CLYBL: variants seen among roughly 807,000 people sequenced by gnomAD.
CLYBL encodes citramalyl-CoA lyase, also known as citramalyl-CoA lyase, mitochondrial.
CLYBL carries 31 observed loss-of-function variants against 38.9 expected under a neutral mutation model. That is an observed-to-expected ratio of 0.80 (90% CI 0.60 to 1.08). The LOEUF is 1.08. Among genes scored for constraint, CLYBL ranks in the 50% least tolerant of loss-of-function variants. CLYBL has a pLI of 0.00. For missense variants in CLYBL, 434 were observed against 411.6 expected, an observed-to-expected ratio of 1.05 and a Z score of -0.47; for synonymous variants, 171 against 158.6, an observed-to-expected ratio of 1.08 and a Z score of -0.59.
intron 7 of CLYBL, among the ~76,000 whole-genome samples, chr13:99,871,591 T>C (rs1221644159): frequency 2.6e-5 from 4 of 152,170 alleles, no homozygotes; most frequent in Admixed American, 6.5e-5. Context: ...GAAAGCAAAT[T>C]AACACTGGAG....
intron 2 of CLYBL, among the ~76,000 whole-genome samples, chr13:99,774,120 C>T (rs1048819104): frequency 2.6e-5 from 4 of 151,812 alleles, no homozygotes; most frequent in Non-Finnish European, 4.4e-5. Flanking sequence ...GTAGTCCCAG[C>T]TACTCAGGAG....
At chr13:99,858,079 C>T (rs2051502977) in intron 2 of CLYBL, among the ~76,000 whole-genome samples, 1 of 152,132 alleles carries the variant, frequency 6.6e-6, no homozygotes, top group Admixed American at 6.5e-5. Flanking sequence ...CTTCATTGCC[C>T]CCAAGCCAAA....
At chr13:99,878,820 A>G (rs1369811953) in intron 7 of CLYBL, among the ~76,000 whole-genome samples, 2 of 152,228 alleles carry the variant, frequency 1.3e-5, no homozygotes, top group African/African-American at 4.8e-5. Context: ...TTGTGAAAAG[A>G]TATCGAAAAC....
chr13:99,796,916 T>C (rs1049585943), intron 2 of CLYBL, among the ~76,000 whole-genome samples: 2 of 152,182 alleles, frequency 1.3e-5, no homozygotes, highest in African/African-American at 4.8e-5. Context: ...GCTTCCCTGG[T>C]AGGCTCTTGG....
chr13:99,885,505 G>T (rs1293153282), intron 7 of CLYBL, among the ~76,000 whole-genome samples: 2 of 152,100 alleles, frequency 1.3e-5, no homozygotes, highest in Non-Finnish European at 2.9e-5. Context: ...ACCATGGCAG[G>T]GTTAAAGCAA....
intron 1 of CLYBL, among the ~76,000 whole-genome samples, chr13:99,716,168 A>ATTT (rs2048307993): frequency 2.5e-5 from 1 of 40,610 alleles, no homozygotes; most frequent in African/African-American, 7.4e-5. Flanking sequence ...TTATTGGTGT[A>ATTT]ATTTTTTTTT....
chr13:99,822,252 C>T (rs1211048166), intron 2 of CLYBL, among the ~76,000 whole-genome samples: 2 of 152,180 alleles, frequency 1.3e-5, no homozygotes, highest in Non-Finnish European at 2.9e-5. Flanking sequence ...TGGTTTGTTA[C>T]ACAGCAATAA....
At chr13:99,857,804 ATAT>A (rs2051496793) in intron 2 of CLYBL, among the ~76,000 whole-genome samples, 1 of 152,170 alleles carries the variant, frequency 6.6e-6, no homozygotes. Flanking sequence ...AAATGGTTAT[ATAT>A]TATTGAGACC....
chr13:99,611,064 T>A (rs1158571144), intron 1 of CLYBL, among the ~76,000 whole-genome samples: 1 of 152,214 alleles, frequency 6.6e-6, no homozygotes, highest in African/African-American at 2.4e-5. Context: ...GTGGCTGCCA[T>A]GCTGCTGGTT....
rs186844638 is a variant in CLYBL at position 99,880,129 on chromosome 13, G to A, written c.927+9067G>A. Among the ~76,000 whole-genome samples the A allele has an allele frequency of 1.5e-3, 218 of 145,784 alleles. 1 individual carries two copies. Among genetic ancestry groups the A allele is most frequent in the African/African-American group, 5.3e-3 (204 of 38,706 alleles). Reference sequence around the variant, plus strand: ...GTTGCCCAGGCTCGAGTACAATGGCGGGATCTTGGCTCACTGCAACCTCTG... The same window carrying A: ...GTTGCCCAGGCTCGAGTACAATGGCAGGATCTTGGCTCACTGCAACCTCTG... On this transcript the variant is annotated intron_variant, in intron 7 of 8. Transcript: ENST00000339105.
intron 7 of CLYBL, among the ~76,000 whole-genome samples, chr13:99,881,518 G>T (rs1021457077): frequency 4.6e-5 from 7 of 152,036 alleles, no homozygotes. Context: ...GACCTCCTGG[G>T]CTCAAGTGAT....
chr13:99,728,654 C>T (rs1223315180), intron 1 of CLYBL, among the ~76,000 whole-genome samples: 1 of 152,062 alleles, frequency 6.6e-6, no homozygotes, highest in East Asian at 1.9e-4. Context: ...CGCCTCACTG[C>T]AGCCTCAACC....
chr13:99,805,736 T>A (rs2138962192), intron 2 of CLYBL, among the ~76,000 whole-genome samples: 1 of 152,332 alleles, frequency 6.6e-6, no homozygotes, highest in South Asian at 2.1e-4. Context: ...ACATTTTTAA[T>A]TTTTATTGCT....
intron 1 of CLYBL, chr13:99,690,284 G>A (rs539721221): frequency 6.6e-6 from 1 of 152,212 alleles, no homozygotes; most frequent in Non-Finnish European, 1.5e-5. Context: ...TAAGCATTCA[G>A]AGTTCTTTGC....
intron 2 of CLYBL, among the ~76,000 whole-genome samples, chr13:99,795,559 TG>T (rs781097559): frequency 6.6e-6 from 1 of 151,988 alleles, no homozygotes; most frequent in Non-Finnish European, 1.5e-5. Flanking sequence ...GAGTCTGAGA[TG>T]GGAAGATTGC....
intron 1 of CLYBL, among the ~76,000 whole-genome samples, chr13:99,662,370 G>A (rs1220536010): frequency 6.6e-6 from 1 of 152,158 alleles, no homozygotes; most frequent in Non-Finnish European, 1.5e-5. Flanking sequence ...AGCCAAAATA[G>A]ATTCTAAATC....
Position 99,891,348 on chromosome 13 carries a change from G to T in CLYBL, c.958G>T (p.Asp320Tyr). 1 of 1,613,764 alleles carries T rather than the reference G, an allele frequency of 6.2e-7. No homozygotes were observed. Among genetic ancestry groups the T allele is most frequent in the Non-Finnish European group, 8.5e-7 (1 of 1,179,802 alleles). ...GAFTFQGSMI[D>Y]MPLLKQAQNT... ...CTTTACTTTCCAAGGGAGTATGATC[G>T]ACATGCCATTACTGAAGCAGGCCCA... Residue 320 changes from aspartate to tyrosine, a missense_variant, in exon 8 of 9, where the codon GAC becomes TAC. Physicochemically the swap from Asp to Tyr is radical, Grantham distance 160 (BLOSUM62 -3). Transcript: ENST00000339105.
rs373362094 is a variant in CLYBL at position 99,692,294 on chromosome 13, T to G, written c.63-80530T>G. Among the ~76,000 whole-genome samples, 9 of 129,362 alleles carry G rather than the reference T, an allele frequency of 7.0e-5. No individual in the cohort carries two copies. The South Asian group carries it at 1.7e-3, about 24-fold the overall frequency. 84.9% of individuals were successfully genotyped at this position (129,362 alleles called of 152,430 possible). A position where few individuals can be genotyped will look rare whatever the true frequency, so the allele number is the denominator to read the frequency against. ...TCACATTTGTTTTTTTTGTTTTTTT[T>G]TTTTTGTTTGTTTTTTTGAGACAGT... On this transcript the variant is annotated intron_variant, in intron 1 of 8. Transcript: ENST00000339105.
chr13:99,830,832 C>G (rs1479897522), intron 2 of CLYBL, among the ~76,000 whole-genome samples: 2 of 152,166 alleles, frequency 1.3e-5, no homozygotes, highest in African/African-American at 2.4e-5. Flanking sequence ...AAAGATAAGT[C>G]CATGTCCTAA....
Sources: gnomAD v4.1 joint callset for allele counts (sites outside exome capture counted in the v4.1 genomes callset) on GRCh38, gnomAD v4.1.1 for gene constraint, MANE v1.5 for transcripts, NCBI Gene and HGNC (gene_info 2026-07-23, HGNC 2026-07-21) for gene names.